Variants in MOCS1 observed in about 807,000 individuals in gnomAD.
MOCS1 encodes the protein molybdenum cofactor synthesis 1.
In MOCS1, 39 loss-of-function variants were observed where a neutral mutation model predicts 57.6. The observed-to-expected ratio is 0.68, with a 90% CI of 0.52 to 0.88. The LOEUF is 0.88. Among genes scored for constraint, MOCS1 ranks in the 40% least tolerant of loss-of-function variants. The pLI, the probability that MOCS1 is intolerant of heterozygous loss-of-function variation, is 0.00. For synonymous variants in MOCS1, 334 were observed against 335.7 expected, an observed-to-expected ratio of 1.00 and a Z score of 0.05; for missense variants, 795 against 831.1, an observed-to-expected ratio of 0.96 and a Z score of 0.53.
chr6:39,918,909 C>T (rs2058613082), intron 3 of MOCS1, among the ~76,000 whole-genome samples: 1 of 151,958 alleles, frequency 6.6e-6, no homozygotes, highest in Admixed American at 6.6e-5. Flanking sequence ...TCTGACTCTA[C>T]CAATAAGGAA....
At position 39,905,370 on chromosome 6, in the gene MOCS1, G is replaced by A. The variant is rs7758412; in HGVS notation, c.*987C>T. Reference sequence around the variant, plus strand: ...TTCCCATAGCGGGGCTATACAGAGAGTACACCCTTAGGCCTTTCCAGGTCC... The same window carrying A: ...TTCCCATAGCGGGGCTATACAGAGAATACACCCTTAGGCCTTTCCAGGTCC... On this transcript the variant is annotated 3_prime_UTR_variant, in exon 11 of 11. Coordinates refer to ENST00000340692, the MANE Select transcript of MOCS1 (RefSeq NM_001358530.2). The A allele has an allele frequency of 0.026, 12,171 of 462,778 alleles. 405 individuals carry two copies. Among genetic ancestry groups the A allele is most frequent in the African/African-American group, 0.11 (5,560 of 50,144 alleles). The allele number at this position is 462,778 out of a possible 1,614,324, so 28.7% of individuals were successfully genotyped here. A position where few individuals can be genotyped will look rare whatever the true frequency, so the allele number is the denominator to read the frequency against.
Position 39,925,739 on chromosome 6 carries a change from G to C in MOCS1, c.357C>G (p.Ile119Met). Reference protein sequence around the residue: ...TLARLFVKEGIDKIRLTGGEP... With the variant: ...TLARLFVKEGMDKIRLTGGEP... ...CTCCACCTGTGAGCCGGATCTTGTC[G>C]ATGCCTTCCTTCACAAAGAGCCGGG... Residue 119 changes from isoleucine (I) to methionine (M), a missense_variant, in exon 3 of 11, where the codon ATC becomes ATG. Coordinates refer to ENST00000340692, the MANE Select transcript of MOCS1 (RefSeq NM_001358530.2). 1 of 1,612,788 alleles carries C rather than the reference G, an allele frequency of 6.2e-7. No individual in the cohort carries two copies. The highest frequency in any genetic ancestry group is 8.5e-7 in the Non-Finnish European group (1 of 1,179,988).
chr6:39,922,986 C>T (rs974491866), intron 3 of MOCS1, among the ~76,000 whole-genome samples: 1 of 152,218 alleles, frequency 6.6e-6, no homozygotes, highest in Non-Finnish European at 1.5e-5. Flanking sequence ...AGCAGCTCCT[C>T]TGGGGAAGAT....
At chr6:39,926,254 C>G (rs1768291933) in intron 2 of MOCS1, among the ~76,000 whole-genome samples, 1 of 152,202 alleles carries the variant, frequency 6.6e-6, no homozygotes, top group Non-Finnish European at 1.5e-5. Flanking sequence ...AGCTTTCTCT[C>G]TGTGTGTCAT....
In MOCS1 at chr6:39,913,007, G is replaced by A. The variant is rs113678603; in HGVS notation, c.758-3C>T. On this transcript the variant is annotated splice_region_variant and splice_polypyrimidine_tract_variant and intron_variant, in intron 6 of 10. Coordinates refer to ENST00000340692, the MANE Select transcript of MOCS1 (RefSeq NM_001358530.2). ...CTTCTTGAAGTTCCACTTGTTGCCT[G>A]TATTCGGGATGGGGGAAGGCAAGGG... The A allele has an allele frequency of 8.9e-5, 143 of 1,613,342 alleles. No homozygotes were observed. In the African/African-American group the frequency reaches 1.6e-3, roughly 18 times the overall value.
At chr6:39,932,692 G>A (rs779768913) in intron 1 of MOCS1, among the ~76,000 whole-genome samples, 1 of 152,230 alleles carries the variant, frequency 6.6e-6, no homozygotes, top group Non-Finnish European at 1.5e-5. Flanking sequence ...AACAAGTCCA[G>A]ATGGGAGGGG....
intron 1 of MOCS1, among the ~76,000 whole-genome samples, chr6:39,933,050 A>T (rs1454856518): frequency 6.6e-6 from 1 of 151,892 alleles, no homozygotes; most frequent in Non-Finnish European, 1.5e-5. Context: ...GGAGGACGGA[A>T]AAGCATTAGA....
Position 39,916,049 on chromosome 6 carries a change from C to G in MOCS1, c.583+19G>C. On this transcript the variant is annotated intron_variant, in intron 4 of 10. Coordinates refer to ENST00000340692, the MANE Select transcript of MOCS1 (RefSeq NM_001358530.2). ...TGCAGGCCCTGGGAGGGACACCCAC[C>G]CCATCCACATCCGCTCACCTTTCCT... 6.3e-7 allele frequency: 1 copy of G among 1,589,788 alleles called. No homozygotes were observed. Among genetic ancestry groups the G allele is most frequent in the Non-Finnish European group, 8.6e-7 (1 of 1,168,870 alleles).
rs1253629200 is a variant in MOCS1, at chr6:39,905,426, T to TG, written c.*930dup. ...CTTCTTCCCTCAGGGAACTGTGTCT[T>TG]GGGATAGGATTGATTGATTGATTGA... On this transcript the variant is annotated 3_prime_UTR_variant, in exon 11 of 11. Transcript: ENST00000340692. 2.1e-6 allele frequency: 1 copy of TG among 469,696 alleles called. No homozygotes were observed. The highest frequency in any genetic ancestry group is 2.4e-5 in the Admixed American group (1 of 42,538). The allele number at this position is 469,696 out of a possible 1,614,324, so 29.1% of individuals were successfully genotyped here.
Position 39,916,119 on chromosome 6 carries a change from T to A in MOCS1, c.532A>T (p.Ser178Cys). Reference sequence around the variant, plus strand: ...TTGGCAGGCACCAGGGTGTCCAGGCTGATGTTGATGGCACTGAGACCAGCC... The same window carrying A: ...TTGGCAGGCACCAGGGTGTCCAGGCAGATGTTGATGGCACTGAGACCAGCC... The part of the protein sequence containing the change: ...QKAGLSAINI[S>C]LDTLVPAKFE... The change falls in exon 4 of 11, where the codon AGC becomes TGC. Residue 178 changes from serine (S) to cysteine (C), a missense_variant. This residue lies in a region of MOCS1 where 416 missense variants were observed against 392.4 expected (regional missense o/e 1.06). Transcript: ENST00000340692. 6.2e-7 allele frequency: 1 copy of A among 1,613,860 alleles called. No individual in the cohort carries two copies. Among genetic ancestry groups the A allele is most frequent in the Non-Finnish European group, 8.5e-7 (1 of 1,179,950 alleles).
rs189376254 is a variant in MOCS1 at position 39,915,973 on chromosome 6, G to C, written c.583+95C>G. The C allele has an allele frequency of 1.0e-3, 1,369 of 1,374,566 alleles. 30 individuals are homozygous for C. The Admixed American group carries it at 0.025, about 25-fold the overall frequency. 85.1% of individuals were successfully genotyped at this position (1,374,566 alleles called of 1,614,324 possible). On this transcript the variant is annotated intron_variant, in intron 4 of 10. Transcript: ENST00000340692. ...CTTACTGATAGCCCAGACACCAAGA[G>C]GAAGTGACCAGGCCCCTGGCTCAGC...
intron 10 of MOCS1, among the ~76,000 whole-genome samples, chr6:39,908,231 C>A (rs545961242): frequency 1.3e-5 from 2 of 152,334 alleles, no homozygotes; most frequent in South Asian, 4.1e-4. Context: ...TCTGCTCTAA[C>A]CTCTAAAGAA....
chr6:39,907,530 T>A (rs1767036185), intron 10 of MOCS1, among the ~76,000 whole-genome samples: 1 of 152,206 alleles, frequency 6.6e-6, no homozygotes, highest in Non-Finnish European at 1.5e-5. Context: ...TTACACCTAT[T>A]TTTATCTTCA....
rs748692016 is a variant in MOCS1 at position 39,906,877 on chromosome 6, G to T, written c.1391C>A (p.Pro464Gln). 3.1e-6 allele frequency: 5 copies of T among 1,614,190 alleles called. No homozygotes were observed. The highest frequency in any genetic ancestry group is 4.2e-6 in the Non-Finnish European group (5 of 1,180,048). ...DSDANSKCLS[P>Q]GSWASAAPSG... ...GGGGGCAGCAGAAGCCCAGGAACCT[G>T]GGCTAAGGCACTTTGAGTTGGCATC... The change falls in exon 11 of 11, where the codon CCA (proline) becomes CAA (glutamine). Residue 464 changes from proline (P) to glutamine (Q), a missense_variant. By Grantham distance (76) the Pro-to-Gln change is moderately conservative. Coordinates refer to ENST00000340692, the MANE Select transcript of MOCS1 (RefSeq NM_001358530.2).
rs777950292 is a variant in MOCS1 at position 39,904,922 on chromosome 6, A to AGAGT, written c.*1431_*1434dup. On this transcript the variant is annotated 3_prime_UTR_variant, in exon 11 of 11. Coordinates refer to ENST00000340692, the MANE Select transcript of MOCS1 (RefSeq NM_001358530.2). ...CTATGAGGGGATCTGGGGTGGGCTG[A>AGAGT]GAGTGTGCTGGAGCCAGCTTGTACC... is the stretch of plus-strand genomic sequence containing the variant. 2.1e-4 allele frequency: 96 copies of AGAGT among 454,124 alleles called. No individual in the cohort carries two copies. The highest frequency in any genetic ancestry group is 1.4e-3 in the Admixed American group (60 of 42,564). The allele number at this position is 454,124 out of a possible 1,614,324, so 28.1% of individuals were successfully genotyped here. A position where few individuals can be genotyped will look rare whatever the true frequency, so the allele number is the denominator to read the frequency against.
intron 8 of MOCS1, among the ~76,000 whole-genome samples, chr6:39,910,803 A>T (rs944112933): frequency 6.6e-6 from 1 of 152,032 alleles, no homozygotes; most frequent in Non-Finnish European, 1.5e-5. Flanking sequence ...CCTCCTGTGG[A>T]CTTCACCTGG....
intron 1 of MOCS1, among the ~76,000 whole-genome samples, chr6:39,929,526 G>C (rs1378981480): frequency 6.6e-6 from 1 of 152,052 alleles, no homozygotes; most frequent in African/African-American, 2.4e-5. Context: ...TGACATGATG[G>C]GGGGATGGGG....
At chr6:39,933,231 A>G (rs1471852549) in intron 1 of MOCS1, among the ~76,000 whole-genome samples, 3 of 150,348 alleles carry the variant, frequency 2.0e-5, no homozygotes, top group Admixed American at 2.0e-4. Context: ...GTACAAAATA[A>G]ACTAGGGGGT....
At chr6:39,927,728 G>A in intron 1 of MOCS1, 1 of 1,525,780 alleles carries the variant, frequency 6.6e-7, no homozygotes, top group Non-Finnish European at 8.8e-7. Context: ...GGGCAGCAAG[G>A]TGGAGGCAAG....
Sources: allele counts gnomAD v4.1 joint callset (sites outside exome capture counted in the v4.1 genomes callset), GRCh38; gene constraint gnomAD v4.1.1; regional missense constraint gnomAD v4.1.1; transcripts MANE v1.5; gene names NCBI Gene and HGNC (gene_info 2026-07-23, HGNC 2026-07-21).